The following HS3ST4 variants were observed in gnomAD, a reference collection of about 807,000 sequenced individuals.
HS3ST4 encodes heparan sulfate glucosamine 3-O-sulfotransferase 4.
Under a neutral mutation model 29.2 loss-of-function variants are expected in HS3ST4, and 17 were observed. The observed-to-expected ratio is 0.58, with a 90% CI of 0.40 to 0.87. The LOEUF is 0.87. Ranked by LOEUF, HS3ST4 falls within the 40% of genes least tolerant of loss-of-function variation. The pLI, the probability that HS3ST4 is intolerant of heterozygous loss-of-function variation, is 0.00. For missense variants in HS3ST4, 627 were observed against 634.5 expected (o/e 0.99, Z 0.13); for synonymous variants, 314 against 285.7 (o/e 1.10, Z -1.00).
chr16:25,860,366 G>A (rs765034012), intron 1 of HS3ST4, among the ~76,000 whole-genome samples: 5 of 152,124 alleles, frequency 3.3e-5, no homozygotes, highest in East Asian at 1.9e-4. Context: ...GTATTTACCC[G>A]AAGGAGAAGA....
rs755071613 is a variant in HS3ST4 at position 25,693,143 on chromosome 16, G to A, written c.726G>A (p.Glu242=). The A allele has an allele frequency of 5.6e-6, 9 of 1,604,756 alleles. No homozygotes were observed. The African/African-American group carries it at 1.1e-4, about 19-fold the overall frequency. ...FFDRNYEKGL[E]WYRNVMPKTL... is the part of the protein sequence containing the mutation. ...ACAGGAACTACGAAAAGGGGTTGGA[G>A]TGGTACAGGTAGGACCCTGGGCTCC... The change falls in exon 1 of 2, where the codon GAG becomes GAA. Residue 242 remains glutamate (E), a synonymous_variant. Coordinates refer to ENST00000331351, the MANE Select transcript of HS3ST4 (RefSeq NM_006040.3).
At chr16:25,864,087 C>G (rs1212413479) in intron 1 of HS3ST4, among the ~76,000 whole-genome samples, 1 of 152,228 alleles carries the variant, frequency 6.6e-6, no homozygotes, top group Non-Finnish European at 1.5e-5. Flanking sequence ...TCCTGATCTC[C>G]TCTTCCTAAA....
chr16:26,014,453 A>G (rs1969343666), intron 1 of HS3ST4, among the ~76,000 whole-genome samples: 1 of 152,224 alleles, frequency 6.6e-6, no homozygotes, highest in South Asian at 2.1e-4. Flanking sequence ...GGTTATAAGC[A>G]TAGTACCCTA....
chr16:26,086,318 G>A (rs747355550), intron 1 of HS3ST4, among the ~76,000 whole-genome samples: 3 of 151,842 alleles, frequency 2.0e-5, no homozygotes, highest in Admixed American at 6.6e-5. Flanking sequence ...CTATGAAGGT[G>A]AAGATTTTTG....
At chr16:25,861,864 G>A (rs1967640711) in intron 1 of HS3ST4, among the ~76,000 whole-genome samples, 3 of 152,154 alleles carry the variant, frequency 2.0e-5, no homozygotes, top group Admixed American at 2.0e-4. Flanking sequence ...ATGATTTTAT[G>A]TCTTGCTCAT....
At chr16:25,864,812 T>C (rs1326703712) in intron 1 of HS3ST4, among the ~76,000 whole-genome samples, 1 of 151,774 alleles carries the variant, frequency 6.6e-6, no homozygotes, top group African/African-American at 2.4e-5. Flanking sequence ...CATATTCCAT[T>C]GTATATATAT....
intron 1 of HS3ST4, 77 bp from the exon 2 acceptor site, chr16:26,135,535 C>A: frequency 7.1e-7 from 1 of 1,403,254 alleles, no homozygotes; most frequent in Non-Finnish European, 9.5e-7. Context: ...TTGTTTATAT[C>A]ACACATTTTG....
intron 1 of HS3ST4, among the ~76,000 whole-genome samples, chr16:25,700,261 G>A (rs937594147): frequency 3.9e-5 from 6 of 152,198 alleles, no homozygotes; most frequent in African/African-American, 1.4e-4. Context: ...CGGTAAGGAG[G>A]TGGACAGGCT....
chr16:26,081,687 G>A (rs1318578132), intron 1 of HS3ST4, among the ~76,000 whole-genome samples: 1 of 151,354 alleles, frequency 6.6e-6, no homozygotes, highest in East Asian at 1.9e-4. Context: ...GTTTTAGTTA[G>A]AGGAAATAGG....
chr16:26,009,782 C>A (rs184282980), intron 1 of HS3ST4, among the ~76,000 whole-genome samples: 2 of 152,208 alleles, frequency 1.3e-5, no homozygotes, highest in Admixed American at 6.5e-5. Context: ...AGTTCACGTG[C>A]TCTCGCCTAA....
intron 1 of HS3ST4, among the ~76,000 whole-genome samples, chr16:25,768,704 G>A (rs182445102): frequency 1.3e-3 from 193 of 152,272 alleles, no homozygotes; most frequent in Middle Eastern, 0.01. Context: ...GGTCCTCCCT[G>A]TCTCAGTGGA....
intron 1 of HS3ST4, among the ~76,000 whole-genome samples, chr16:25,719,578 C>T (rs1023171084): frequency 9.2e-5 from 14 of 152,182 alleles, no homozygotes; most frequent in African/African-American, 3.4e-4. Flanking sequence ...TTCCATTTGG[C>T]CACTGTTACC....
chr16:25,849,126 A>G (rs1967493446), intron 1 of HS3ST4, among the ~76,000 whole-genome samples: 1 of 152,134 alleles, frequency 6.6e-6, no homozygotes, highest in African/African-American at 2.4e-5. Flanking sequence ...GTCTACATTT[A>G]CTGTGTTAAT....
intron 1 of HS3ST4, among the ~76,000 whole-genome samples, chr16:25,968,621 C>G (rs1184567808): frequency 1.3e-5 from 2 of 152,120 alleles, no homozygotes; most frequent in Non-Finnish European, 1.5e-5. Flanking sequence ...TCCAGTTTGT[C>G]TGGGTTCACA....
intron 1 of HS3ST4, among the ~76,000 whole-genome samples, chr16:26,133,980 G>C (rs576414425): frequency 6.6e-6 from 1 of 152,166 alleles, no homozygotes; most frequent in Non-Finnish European, 1.5e-5. Context: ...ATTAACTTTG[G>C]TCTACATATG....
chr16:25,787,512 G>A (rs1218268387), intron 1 of HS3ST4, among the ~76,000 whole-genome samples: 1 of 152,190 alleles, frequency 6.6e-6, no homozygotes, highest in East Asian at 1.9e-4. Flanking sequence ...AGGGATTTGA[G>A]TTTGTAACCT....
chr16:26,066,380 T>G (rs1220325531), intron 1 of HS3ST4, among the ~76,000 whole-genome samples: 1 of 152,350 alleles, frequency 6.6e-6, no homozygotes, highest in Middle Eastern at 3.4e-3. Context: ...GATGGAACAT[T>G]TTAATGATGT....
intron 1 of HS3ST4, among the ~76,000 whole-genome samples, chr16:26,080,605 A>T (rs893528686): frequency 2.0e-5 from 3 of 152,308 alleles, no homozygotes; most frequent in Middle Eastern, 3.4e-3. Flanking sequence ...ACATAATTCC[A>T]TTGAGAAACT....
At position 26,073,355 on chromosome 16, in the gene HS3ST4, A is replaced by ATCTTTTCTTT. The variant is rs72461132; in HGVS notation, c.735-62235_735-62226dup. Among the ~76,000 whole-genome samples, 17 of 80,206 alleles carry ATCTTTTCTTT rather than the reference A, an allele frequency of 2.1e-4. No individual in the cohort carries two copies. The East Asian group carries it at 2.3e-3, about 11-fold the overall frequency. 52.6% of individuals were successfully genotyped at this position (80,206 alleles called of 152,430 possible). On this transcript the variant is annotated intron_variant, in intron 1 of 1. Coordinates refer to ENST00000331351, the MANE Select transcript of HS3ST4 (RefSeq NM_006040.3). ...GATCTATCATGCTTCAAGAGTTCAG[A>ATCTTTTCTTT]TCTTTTCTTTTCTTTTCTTTTCTTT...
Sources: gnomAD v4.1 joint callset for allele counts (sites outside exome capture counted in the v4.1 genomes callset) on GRCh38, gnomAD v4.1.1 for gene constraint, MANE v1.5 for transcripts, NCBI Gene and HGNC (gene_info 2026-07-23, HGNC 2026-07-21) for gene names.